Variants in RBFOX1 observed in about 807,000 individuals in gnomAD.
The protein encoded by RBFOX1 is RNA binding protein fox-1 homolog 1.
A neutral mutation model predicts 57.7 loss-of-function variants in RBFOX1; 8 were observed. The observed-to-expected ratio is 0.14, with a 90% CI of 0.08 to 0.25. RBFOX1 has a LOEUF of 0.25. Among genes scored for constraint, RBFOX1 ranks in the 10% least tolerant of loss-of-function variants. The pLI is 1.00. For missense variants in RBFOX1, 611 were observed against 548.5 expected, an observed-to-expected ratio of 1.11 and a Z score of -1.14; for synonymous variants, 326 against 222.4, an observed-to-expected ratio of 1.47 and a Z score of -4.15.
At chr16:6,609,204 G>T (rs2097998595) in intron 2 of RBFOX1, among the ~76,000 whole-genome samples, 2 of 152,162 alleles carry the variant, frequency 1.3e-5, no homozygotes, top group Admixed American at 6.5e-5. Context: ...CCACAATTCT[G>T]CCTTCCACAG....
At chr16:6,445,740 G>A (rs539468566) in intron 2 of RBFOX1, among the ~76,000 whole-genome samples, 1 of 151,966 alleles carries the variant, frequency 6.6e-6, no homozygotes, top group South Asian at 2.1e-4. Context: ...ACACCACCAT[G>A]CCCAGTTAAT....
chr16:7,340,514 C>T (rs1018743704), intron 4 of RBFOX1, among the ~76,000 whole-genome samples: 4 of 152,148 alleles, frequency 2.6e-5, no homozygotes, highest in Admixed American at 1.3e-4. Flanking sequence ...TGGGATATTC[C>T]AACTCTTTTT....
chr16:7,384,475 G>T (rs1027719803), intron 4 of RBFOX1, among the ~76,000 whole-genome samples: 2 of 152,102 alleles, frequency 1.3e-5, no homozygotes, highest in Admixed American at 6.5e-5. Context: ...TATTGCAGTG[G>T]GTTTTCATGC....
intron 2 of RBFOX1, among the ~76,000 whole-genome samples, chr16:5,468,267 C>A (rs1402144775): frequency 2.0e-5 from 3 of 152,158 alleles, no homozygotes; most frequent in Non-Finnish European, 4.4e-5. Context: ...CAGTGTTGGG[C>A]AATCACTACC....
intron 5 of RBFOX1, among the ~76,000 whole-genome samples, chr16:7,537,178 G>A (rs866707432): frequency 2.0e-5 from 3 of 152,200 alleles, no homozygotes; most frequent in Non-Finnish European, 2.9e-5. Flanking sequence ...GTGGCAGAAA[G>A]GACTGCCAGT....
chr16:7,354,989 A>C (rs1264462458), intron 4 of RBFOX1, among the ~76,000 whole-genome samples: 1 of 152,202 alleles, frequency 6.6e-6, no homozygotes, highest in Non-Finnish European at 1.5e-5. Context: ...TAATGATTAT[A>C]ATAATAAAAA....
intron 2 of RBFOX1, among the ~76,000 whole-genome samples, chr16:6,515,909 C>T (rs995160660): frequency 6.6e-6 from 1 of 152,176 alleles, no homozygotes; most frequent in African/African-American, 2.4e-5. Context: ...TTCCTTGACT[C>T]TCCTAGATGG....
chr16:5,541,007 G>A (rs531542736), intron 2 of RBFOX1, among the ~76,000 whole-genome samples: 2 of 151,988 alleles, frequency 1.3e-5, no homozygotes, highest in South Asian at 2.1e-4. Flanking sequence ...GTGCTACCCC[G>A]CCTGGCTAAT....
chr16:6,727,228 A>C (rs1455532417), intron 3 of RBFOX1, among the ~76,000 whole-genome samples: 2 of 152,120 alleles, frequency 1.3e-5, no homozygotes, highest in Non-Finnish European at 2.9e-5. Flanking sequence ...CAACCTGCAG[A>C]CTGGACATTT....
intron 1 of RBFOX1, among the ~76,000 whole-genome samples, chr16:6,052,056 A>C (rs940628610): frequency 1.3e-5 from 2 of 152,114 alleles, no homozygotes; most frequent in African/African-American, 4.8e-5. Context: ...TTTTATGAAA[A>C]ACAAAACAGA....
chr16:5,594,118 A>T (rs1277124639), intron 2 of RBFOX1, among the ~76,000 whole-genome samples: 1 of 152,080 alleles, frequency 6.6e-6, no homozygotes, highest in Non-Finnish European at 1.5e-5. Flanking sequence ...ATGCACCCAG[A>T]ACCCCACCTC....
chr16:6,760,544 G>A (rs1365434058), intron 3 of RBFOX1, among the ~76,000 whole-genome samples: 1 of 152,174 alleles, frequency 6.6e-6, no homozygotes. Context: ...AAATGCTTTT[G>A]GAAGGAATTG....
chr16:5,656,437 G>A (rs1322100415), intron 3 of RBFOX1, among the ~76,000 whole-genome samples: 1 of 152,068 alleles, frequency 6.6e-6, no homozygotes, highest in Non-Finnish European at 1.5e-5. Flanking sequence ...CAAAATTTAA[G>A]CCACTTTACT....
chr16:7,234,203 G>A (rs544900858), intron 4 of RBFOX1, among the ~76,000 whole-genome samples: 56 of 152,220 alleles, frequency 3.7e-4, no homozygotes, highest in Admixed American at 1.4e-3. Flanking sequence ...GTTGCAGAGG[G>A]ACAGTGAGGG....
At chr16:5,880,668 T>C (rs1203574504) in intron 4 of RBFOX1, among the ~76,000 whole-genome samples, 1 of 152,200 alleles carries the variant, frequency 6.6e-6, no homozygotes, top group Admixed American at 6.5e-5. Context: ...TATGGGATTG[T>C]GGATCCTGCA....
At chr16:6,492,831 A>C (rs988475223) in intron 2 of RBFOX1, among the ~76,000 whole-genome samples, 1 of 152,164 alleles carries the variant, frequency 6.6e-6, no homozygotes, top group Non-Finnish European at 1.5e-5. Context: ...AGAGCCCAAA[A>C]CTCAGAAATC....
chr16:6,425,829 C>T (rs531816691), intron 2 of RBFOX1, among the ~76,000 whole-genome samples: 93 of 152,046 alleles, frequency 6.1e-4, no homozygotes, highest in Non-Finnish European at 9.0e-4. Context: ...CTCTTTTTAC[C>T]TTTTTATGGA....
chr16:7,046,913 T>A (rs1175482002), intron 3 of RBFOX1, among the ~76,000 whole-genome samples: 2 of 152,128 alleles, frequency 1.3e-5, no homozygotes, highest in Non-Finnish European at 2.9e-5. Flanking sequence ...GCCTATATTT[T>A]GTTTAACTTC....
chr16:5,898,946 C>A (rs1042581795), intron 4 of RBFOX1, among the ~76,000 whole-genome samples: 1 of 151,092 alleles, frequency 6.6e-6, no homozygotes, highest in Admixed American at 6.6e-5. Context: ...GCCTGTGGTC[C>A]CAGCTACGTG....
Sources: gnomAD v4.1 joint callset for allele counts (sites outside exome capture counted in the v4.1 genomes callset) on GRCh38, gnomAD v4.1.1 for gene constraint, MANE v1.5 for transcripts, NCBI Gene and HGNC (gene_info 2026-07-23, HGNC 2026-07-21) for gene names.